Variants in CACNB2 observed in about 807,000 individuals in gnomAD.
CACNB2 encodes calcium voltage-gated channel auxiliary subunit beta 2, also known as voltage-dependent L-type calcium channel subunit beta-2.
Under a neutral mutation model 73.3 loss-of-function variants are expected in CACNB2, and 42 were observed. That is an observed-to-expected ratio of 0.57 (90% confidence interval 0.45 to 0.74). The LOEUF (loss-of-function observed/expected upper bound fraction) is 0.74. Among genes scored for constraint, CACNB2 ranks in the 30% least tolerant of loss-of-function variants. The probability of loss-of-function intolerance (pLI) is 0.00; values close to 1 mark genes in which losing one functional copy is unlikely to be tolerated. For missense variants in CACNB2, 940 were observed against 853.0 expected, an observed-to-expected ratio of 1.10 and a Z score of -1.27; for synonymous variants, 348 against 310.3, an observed-to-expected ratio of 1.12 and a Z score of -1.28.
intron 2 of CACNB2, among the ~76,000 whole-genome samples, chr10:18,215,246 G>T (rs902191126): frequency 6.6e-6 from 1 of 152,084 alleles, no homozygotes; most frequent in African/African-American, 2.4e-5. Context: ...TTTCATCCAG[G>T]GCCTGAATTT....
intron 2 of CACNB2, among the ~76,000 whole-genome samples, chr10:18,237,700 C>T (rs192364264): frequency 8.5e-5 from 13 of 152,260 alleles, no homozygotes; most frequent in Middle Eastern, 3.4e-3. Context: ...TCAGGTGCAT[C>T]AACAAAGACA....
rs370644544 is a variant in CACNB2 at position 18,236,582 on chromosome 10, G to A, written c.213+85607G>A. Among the ~76,000 whole-genome samples the A allele has an allele frequency of 1.3e-4, 20 of 152,206 alleles. 1 individual carries two copies. The highest frequency in any genetic ancestry group is 9.2e-4 in the Admixed American group (14 of 15,282). ...GCCAATTGTTGGTATTAGCCAAAGT[G>A]GAGAAAGAGAATGAAACTTACTGGT... On this transcript the variant is annotated intron_variant, in intron 2 of 13. Transcript: ENST00000324631.
intron 3 of CACNB2, among the ~76,000 whole-genome samples, chr10:18,490,230 G>A (rs2049330473): frequency 6.6e-6 from 1 of 152,072 alleles, no homozygotes; most frequent in East Asian, 1.9e-4. Context: ...CTACAAATTG[G>A]TACTTACGAA....
intron 2 of CACNB2, among the ~76,000 whole-genome samples, chr10:18,326,806 A>T (rs1032277799): frequency 6.6e-6 from 1 of 152,188 alleles, no homozygotes; most frequent in Non-Finnish European, 1.5e-5. Flanking sequence ...GGCTCACTGC[A>T]GACTTGACCT....
intron 2 of CACNB2, among the ~76,000 whole-genome samples, chr10:18,379,921 A>C (rs2042946385): frequency 6.6e-6 from 1 of 152,114 alleles, no homozygotes; most frequent in African/African-American, 2.4e-5. Flanking sequence ...TCCTGGGCTC[A>C]AGCAATCCTC....
chr10:18,370,304 G>GT (rs111670086), intron 2 of CACNB2, among the ~76,000 whole-genome samples: 44,338 of 151,770 alleles, frequency 0.29, 6,941 homozygotes, highest in East Asian at 0.67. Context: ...TTTTTCATTT[G>GT]TTTTTTTGAG....
At chr10:18,514,204 G>A (rs1398039867) in intron 6 of CACNB2, 32 bp from the exon 7 acceptor site, 1 of 1,611,936 alleles carries the variant, frequency 6.2e-7, no homozygotes, top group Non-Finnish European at 8.5e-7. Flanking sequence ...TTCCTCTCCT[G>A]TCCACCTGAT....
At chr10:18,503,985 G>C (rs1391969501) in intron 5 of CACNB2, among the ~76,000 whole-genome samples, 1 of 152,130 alleles carries the variant, frequency 6.6e-6, no homozygotes, top group Non-Finnish European at 1.5e-5. Flanking sequence ...ATACATTTTG[G>C]AAAATTTGGG....
At chr10:18,261,042 CG>C (rs1375564526) in intron 2 of CACNB2, 3 of 1,384,230 alleles carry the variant, frequency 2.2e-6, no homozygotes, top group Non-Finnish European at 2.8e-6. Flanking sequence ...TCTCAAATTA[CG>C]CCCCCCACCC....
chr10:18,357,155 G>T (rs1244372080), intron 2 of CACNB2, among the ~76,000 whole-genome samples: 2 of 149,676 alleles, frequency 1.3e-5, no homozygotes, highest in Admixed American at 6.7e-5. Flanking sequence ...GTGTTAGCCA[G>T]GATGGTCTCG....
intron 2 of CACNB2, among the ~76,000 whole-genome samples, chr10:18,163,537 G>T (rs181574112): frequency 9.9e-5 from 15 of 152,080 alleles, no homozygotes; most frequent in African/African-American, 3.6e-4. Flanking sequence ...TTGGAAGAGG[G>T]TTGCATCCCA....
chr10:18,422,364 C>T (rs2045369037), intron 3 of CACNB2, among the ~76,000 whole-genome samples: 1 of 152,200 alleles, frequency 6.6e-6, no homozygotes, highest in Non-Finnish European at 1.5e-5. Context: ...CCTACGGATG[C>T]CCGATTGTCC....
chr10:18,458,815 G>A (rs1206387367), intron 3 of CACNB2, among the ~76,000 whole-genome samples: 3 of 148,702 alleles, frequency 2.0e-5, no homozygotes, highest in Non-Finnish European at 4.4e-5. Context: ...GCCTAGGCTG[G>A]AGGGCAATGG....
chr10:18,538,438 A>C, intron 13 of CACNB2, 73 bp downstream of exon 13: 1 of 1,358,624 alleles, frequency 7.4e-7, no homozygotes. Context: ...TGACACCTCT[A>C]GGATCCAAGC....
intron 2 of CACNB2, among the ~76,000 whole-genome samples, chr10:18,166,994 C>T (rs890592842): frequency 6.6e-6 from 1 of 152,214 alleles, no homozygotes; most frequent in African/African-American, 2.4e-5. Flanking sequence ...TTTCCTCTCC[C>T]GCTCATTGAG....
intron 3 of CACNB2, among the ~76,000 whole-genome samples, chr10:18,488,128 C>T (rs113013194): frequency 4.6e-5 from 7 of 151,490 alleles, no homozygotes; most frequent in African/African-American, 1.7e-4. Flanking sequence ...ATACAGCTTT[C>T]TAGATGGTGA....
At chr10:18,443,661 C>T (rs963905517) in intron 3 of CACNB2, among the ~76,000 whole-genome samples, 1 of 151,754 alleles carries the variant, frequency 6.6e-6, no homozygotes, top group African/African-American at 2.4e-5. Flanking sequence ...GGAAGAGAGC[C>T]TTCTGTCCTT....
In CACNB2 at chr10:18,405,963, C is replaced by T. The variant is rs542598400; in HGVS notation, c.333+3920C>T. ...CAAGACTCTGTCAAAAACAAACAAA[C>T]AAACAAACAAACAAAAAACGATGGA... On this transcript the variant is annotated intron_variant, in intron 3 of 13. Coordinates refer to ENST00000324631, the MANE Select transcript of CACNB2 (RefSeq NM_201596.3). 3.9e-5 allele frequency among the ~76,000 whole-genome samples: 6 copies of T among 152,022 alleles called. No individual in the cohort carries two copies. In the South Asian group the frequency reaches 1.3e-3, roughly 32 times the overall value.
chr10:18,371,349 C>G (rs967219250), intron 2 of CACNB2, among the ~76,000 whole-genome samples: 1 of 152,092 alleles, frequency 6.6e-6, no homozygotes, highest in Non-Finnish European at 1.5e-5. Flanking sequence ...AATGCTATCC[C>G]TCCCCCCTTT....
Sources: gnomAD v4.1 joint callset for allele counts (sites outside exome capture counted in the v4.1 genomes callset) on GRCh38, gnomAD v4.1.1 for gene constraint, MANE v1.5 for transcripts, NCBI Gene and HGNC (gene_info 2026-07-23, HGNC 2026-07-21) for gene names.